The following THSD7B variants were observed in gnomAD, a reference collection of about 807,000 sequenced individuals.
THSD7B encodes thrombospondin type-1 domain-containing protein 7B.
In THSD7B, 138 loss-of-function variants were observed where a neutral mutation model predicts 213.6. The ratio of observed to expected loss-of-function variants is 0.65; its 90% CI spans 0.56 to 0.74. THSD7B has a LOEUF of 0.74. Among genes scored for constraint, THSD7B ranks in the 30% least tolerant of loss-of-function variants. The pLI, the probability that THSD7B is intolerant of heterozygous loss-of-function variation, is 0.00. For synonymous variants in THSD7B, 742 were observed against 687.0 expected (o/e 1.08, Z -1.25); for missense variants, 1,931 against 1,991.5 (o/e 0.97, Z 0.58).
At chr2:137,011,431 A>T (rs1686229297) in intron 2 of THSD7B, among the ~76,000 whole-genome samples, 2 of 152,134 alleles carry the variant, frequency 1.3e-5, no homozygotes, top group Non-Finnish European at 2.9e-5. Flanking sequence ...GATAATTCTA[A>T]GTTGTACGGA....
chr2:136,918,809 A>G (rs1251449713), intron 2 of THSD7B, among the ~76,000 whole-genome samples: 2 of 152,196 alleles, frequency 1.3e-5, no homozygotes, highest in African/African-American at 4.8e-5. Context: ...CCTAGACTCA[A>G]TTAATGGAGT....
intron 16 of THSD7B, among the ~76,000 whole-genome samples, chr2:137,569,927 T>G (rs1412016967): frequency 6.6e-6 from 1 of 152,038 alleles, no homozygotes; most frequent in Non-Finnish European, 1.5e-5. Context: ...AAGTCTTCCC[T>G]CTTCTTTTTC....
At chr2:137,612,056 A>G (rs1186017795) in intron 17 of THSD7B, among the ~76,000 whole-genome samples, 1 of 152,212 alleles carries the variant, frequency 6.6e-6, no homozygotes, top group East Asian at 1.9e-4. Context: ...ATAACTTTGT[A>G]ATTTACAATG....
rs1385034499 is a variant in THSD7B at position 136,779,196 on chromosome 2, ATATGTGTGTGTGTGTGTG to A, written c.-36+13511_-36+13528del. Among the ~76,000 whole-genome samples the A allele has an allele frequency of 1.2e-4, 16 of 134,288 alleles. 1 individual carries two copies. The highest frequency in any genetic ancestry group is 2.3e-4 in the African/African-American group (8 of 34,936). 88.1% of individuals were successfully genotyped at this position (134,288 alleles called of 152,430 possible). On this transcript the variant is annotated intron_variant, in intron 1 of 27. Coordinates refer to ENST00000409968, the MANE Select transcript of THSD7B (RefSeq NM_001316349.2). Reference sequence around the variant, plus strand: ...ACACGTGTTAAAAGGCTATATATATATATGTGTGTGTGTGTGTGTGTGTGTGTGTGTGTGTGTGTGTGT... The same window carrying A: ...ACACGTGTTAAAAGGCTATATATATATGTGTGTGTGTGTGTGTGTGTGTGT...
chr2:137,304,411 A>T (rs1683692617), intron 12 of THSD7B, among the ~76,000 whole-genome samples: 1 of 152,148 alleles, frequency 6.6e-6, no homozygotes, highest in African/African-American at 2.4e-5. Flanking sequence ...ACTTACTTTC[A>T]TTTTAAAAAT....
intron 12 of THSD7B, among the ~76,000 whole-genome samples, chr2:137,396,425 A>C (rs933530341): frequency 2.0e-5 from 3 of 148,632 alleles, no homozygotes; most frequent in South Asian, 2.2e-4. Context: ...TTATGTATCC[A>C]GTAGTCATTC....
At chr2:136,937,427 T>A (rs1684754885) in intron 2 of THSD7B, among the ~76,000 whole-genome samples, 1 of 152,112 alleles carries the variant, frequency 6.6e-6, no homozygotes, top group Non-Finnish European at 1.5e-5. Context: ...GGTGAACTGA[T>A]GTGTCTTCTC....
chr2:136,993,420 G>T (rs1317344943), intron 2 of THSD7B, among the ~76,000 whole-genome samples: 1 of 152,182 alleles, frequency 6.6e-6, no homozygotes, highest in African/African-American at 2.4e-5. Flanking sequence ...AAGTGAATGA[G>T]GAAAGAAGCC....
intron 5 of THSD7B, among the ~76,000 whole-genome samples, chr2:137,147,172 A>T (rs1294634806): frequency 6.6e-6 from 1 of 152,214 alleles, no homozygotes; most frequent in African/African-American, 2.4e-5. Context: ...GCTGTGACAT[A>T]GTGAAGAGCT....
intron 2 of THSD7B, among the ~76,000 whole-genome samples, chr2:136,989,382 G>C (rs1487501208): frequency 1.3e-5 from 2 of 152,134 alleles, no homozygotes; most frequent in African/African-American, 2.4e-5. Flanking sequence ...CTGAGTTCAT[G>C]TGAGATCTGG....
At chr2:136,959,148 T>TCCCTAGGTTAGAACTACCTAGGG (rs1192834123) in intron 2 of THSD7B, among the ~76,000 whole-genome samples, 1 of 152,222 alleles carries the variant, frequency 6.6e-6, no homozygotes, top group Non-Finnish European at 1.5e-5. Context: ...ATCATGAACA[T>TCCCTAGGTTAGAACTACCTAGGG]ATCCTCAGGC....
chr2:137,665,276 A>G lies in THSD7B; in HGVS notation c.4651+1701A>G, dbSNP rs79866215. 4.9e-3 allele frequency among the ~76,000 whole-genome samples: 754 copies of G among 152,336 alleles called. 2 individuals are homozygous for G. Among genetic ancestry groups the G allele is most frequent in the African/African-American group, 0.017 (720 of 41,588 alleles). ...GAGGTCCCAGGGAAATGAGTCTTCA[A>G]ATCCACAAGTAAGCCCTTAACCTTT... On this transcript the variant is annotated intron_variant, in intron 26 of 27. Transcript: ENST00000409968.
intron 15 of THSD7B, among the ~76,000 whole-genome samples, chr2:137,512,539 G>A (rs985258094): frequency 6.6e-5 from 10 of 151,384 alleles, no homozygotes; most frequent in South Asian, 2.1e-4. Context: ...CCACAGGCAC[G>A]CACCACCACT....
rs374168385 is a variant in THSD7B, at chr2:137,573,946, A to C, written c.3423+1390A>C. Among the ~76,000 whole-genome samples the C allele has an allele frequency of 1.8e-4, 27 of 152,234 alleles. No homozygotes were observed. In the South Asian group the frequency reaches 5.2e-3, roughly 29 times the overall value. The stretch of plus-strand genomic sequence containing the variant: ...AAATGCAATATTTATTTGAAGAAGA[A>C]GGGTAGCTGTTTTAGTTATCTGTGT... On this transcript the variant is annotated intron_variant, in intron 17 of 27. Coordinates refer to ENST00000409968, the MANE Select transcript of THSD7B (RefSeq NM_001316349.2).
At chr2:137,168,729 G>A (rs1463659329) in intron 6 of THSD7B, among the ~76,000 whole-genome samples, 1 of 152,134 alleles carries the variant, frequency 6.6e-6, no homozygotes, top group Non-Finnish European at 1.5e-5. Context: ...AAATCATGGT[G>A]ACTCATGCCA....
At chr2:137,274,768 T>C (rs1682829540) in intron 11 of THSD7B, among the ~76,000 whole-genome samples, 1 of 152,094 alleles carries the variant, frequency 6.6e-6, no homozygotes, top group Admixed American at 6.6e-5. Flanking sequence ...ACCTTTTGGC[T>C]TCTGTATCTT....
chr2:137,025,132 T>C (rs1424098598), intron 2 of THSD7B, among the ~76,000 whole-genome samples: 6 of 152,168 alleles, frequency 3.9e-5, no homozygotes, highest in African/African-American at 1.4e-4. Context: ...TACCCAGTCT[T>C]TTCATGAAGC....
chr2:137,231,152 C>CA lies in THSD7B; in HGVS notation c.1833dup (p.Ser612IlefsTer9). The CA allele has an allele frequency of 6.2e-7, 1 of 1,613,704 alleles. No individual in the cohort carries two copies. Among genetic ancestry groups the CA allele is most frequent in the Non-Finnish European group, 8.5e-7 (1 of 1,179,782 alleles). On this transcript the variant is annotated frameshift_variant, in exon 8 of 28. Coordinates refer to ENST00000409968, the MANE Select transcript of THSD7B (RefSeq NM_001316349.2). LOFTEE classifies it high-confidence loss of function. ...GTGCTGAGCGAGTGGACGGAGTGGT[C>CA]ATCCTGTTCCCAGTCCTGTTCAAAT... is the stretch of plus-strand genomic sequence containing the variant.
chr2:137,197,500 C>T (rs1680787554), intron 7 of THSD7B, among the ~76,000 whole-genome samples: 1 of 151,786 alleles, frequency 6.6e-6, no homozygotes, highest in Non-Finnish European at 1.5e-5. Context: ...AAAGATATGT[C>T]GATTACAATT....
Sources: allele counts gnomAD v4.1 joint callset (sites outside exome capture counted in the v4.1 genomes callset), GRCh38; gene constraint gnomAD v4.1.1; transcripts MANE v1.5; gene names NCBI Gene and HGNC (gene_info 2026-07-23, HGNC 2026-07-21).